The following SLC24A2 variants were observed in gnomAD, a reference collection of about 807,000 sequenced individuals.
SLC24A2 encodes the protein sodium/potassium/calcium exchanger 2.
Under a neutral mutation model 62.0 loss-of-function variants are expected in SLC24A2, and 36 were observed. The ratio of observed to expected loss-of-function variants is 0.58; its 90% CI spans 0.44 to 0.77. SLC24A2 has a LOEUF of 0.77. Ranked by LOEUF, SLC24A2 falls within the 30% of genes least tolerant of loss-of-function variation. SLC24A2 has a pLI of 0.00. For missense variants in SLC24A2, 846 were observed against 817.9 expected (o/e 1.03, Z -0.42); for synonymous variants, 358 against 294.0 (o/e 1.22, Z -2.23).
intron 2 of SLC24A2, among the ~76,000 whole-genome samples, chr9:19,638,045 G>A (rs1229453416): frequency 1.3e-5 from 2 of 152,164 alleles, no homozygotes; most frequent in Non-Finnish European, 2.9e-5. Context: ...AATATTTATA[G>A]CTCCATAAGC....
At chr9:19,805,615 T>C in the SLC24A2 span, among the ~76,000 whole-genome samples, 1 of 152,184 alleles carries the variant, frequency 6.6e-6, no homozygotes, top group African/African-American at 2.4e-5. Context: ...ATTTGTTGCC[T>C]GAGTGAATGA....
chr9:19,541,581 G>C (rs373146209), intron 8 of SLC24A2, among the ~76,000 whole-genome samples: 29 of 142,688 alleles, frequency 2.0e-4, no homozygotes, highest in African/African-American at 7.1e-4. Flanking sequence ...CTCCAGCTGC[G>C]TGCTGGGAGA....
At chr9:20,301,915 C>G in the SLC24A2 span, among the ~76,000 whole-genome samples, 1 of 152,140 alleles carries the variant, frequency 6.6e-6, no homozygotes, top group Non-Finnish European at 1.5e-5. Context: ...TCTCCCTCCT[C>G]GCTAAACCCT....
At chr9:19,628,346 TTAAG>T (rs1286752496) in intron 2 of SLC24A2, among the ~76,000 whole-genome samples, 2 of 152,166 alleles carry the variant, frequency 1.3e-5, no homozygotes, top group Non-Finnish European at 2.9e-5. Flanking sequence ...ATCTTTCTTA[TTAAG>T]TATGTACATA....
At chr9:19,781,819 G>A (rs764155005) in intron 2 of SLC24A2, among the ~76,000 whole-genome samples, 8 of 152,030 alleles carry the variant, frequency 5.3e-5, no homozygotes, top group Non-Finnish European at 8.8e-5. Flanking sequence ...TAAATTCTGT[G>A]TCTTAAGCAA....
chr9:20,017,478 T>G, the SLC24A2 span, among the ~76,000 whole-genome samples: 27 of 152,238 alleles, frequency 1.8e-4, no homozygotes, highest in East Asian at 5.2e-3. Context: ...TTAGTCAGGG[T>G]TCTCTAAAGG....
At chr9:20,236,666 C>G in the SLC24A2 span, among the ~76,000 whole-genome samples, 1 of 152,090 alleles carries the variant, frequency 6.6e-6, no homozygotes, top group East Asian at 1.9e-4. Flanking sequence ...CTCAGAAACC[C>G]CTGAATAATT....
chr9:19,566,572 G>A (rs1434010305), intron 7 of SLC24A2, among the ~76,000 whole-genome samples: 1 of 152,084 alleles, frequency 6.6e-6, no homozygotes, highest in Non-Finnish European at 1.5e-5. Context: ...CAAGGATCTA[G>A]AACTAGAAAT....
chr9:19,608,778 TCA>T (rs1339058970), intron 4 of SLC24A2, among the ~76,000 whole-genome samples: 1 of 149,558 alleles, frequency 6.7e-6, no homozygotes, highest in Admixed American at 6.7e-5. Flanking sequence ...TCTCTCTCTC[TCA>T]CACACACACA....
At chr9:19,805,296 C>T in the SLC24A2 span, among the ~76,000 whole-genome samples, 2 of 152,124 alleles carry the variant, frequency 1.3e-5, no homozygotes, top group Non-Finnish European at 2.9e-5. Flanking sequence ...TATAATTGAA[C>T]ATGACAATAC....
the SLC24A2 span, among the ~76,000 whole-genome samples, chr9:19,819,460 A>T: frequency 6.6e-6 from 1 of 152,238 alleles, no homozygotes; most frequent in South Asian, 2.1e-4. Context: ...CTGACAAAGC[A>T]CTAATACCAG....
At chr9:20,212,972 T>G in the SLC24A2 span, among the ~76,000 whole-genome samples, 2 of 151,768 alleles carry the variant, frequency 1.3e-5, no homozygotes, top group African/African-American at 4.9e-5. Flanking sequence ...GTTGAAAATG[T>G]GAACACATAG....
At chr9:20,148,523 C>A in the SLC24A2 span, among the ~76,000 whole-genome samples, 1 of 152,006 alleles carries the variant, frequency 6.6e-6, no homozygotes, top group African/African-American at 2.4e-5. Flanking sequence ...CAAGGGAAGT[C>A]TTTGGCAGCT....
At chr9:19,933,907 C>A in the SLC24A2 span, among the ~76,000 whole-genome samples, 2 of 152,062 alleles carry the variant, frequency 1.3e-5, no homozygotes, top group Non-Finnish European at 2.9e-5. Context: ...TGTGAGATTC[C>A]CCAAACAGGC....
chr9:19,952,936 T>C, the SLC24A2 span, among the ~76,000 whole-genome samples: 2 of 152,006 alleles, frequency 1.3e-5, no homozygotes, highest in Non-Finnish European at 2.9e-5. Context: ...TTTAAAGTAG[T>C]ATAAGGCTAT....
chr9:19,997,854 C>G, the SLC24A2 span, among the ~76,000 whole-genome samples: 3 of 152,126 alleles, frequency 2.0e-5, no homozygotes, highest in African/African-American at 7.2e-5. Flanking sequence ...AAAAGAGAAG[C>G]TCTTATTTCC....
the SLC24A2 span, among the ~76,000 whole-genome samples, chr9:20,003,439 T>G: frequency 6.6e-6 from 1 of 152,212 alleles, no homozygotes; most frequent in Non-Finnish European, 1.5e-5. Context: ...GCTATCAAAA[T>G]GTTCCTACAT....
rs184820608 is a variant in SLC24A2, at chr9:19,575,794, A to C, written c.1228+1130T>G. On this transcript the variant is annotated intron_variant, in intron 6 of 10. Transcript: ENST00000341998. ...TTTACTCCAAGCTACCTCATTCTAT[A>C]AAAGACAAGTCAACATGTGAAGCAG... 1.7e-3 allele frequency among the ~76,000 whole-genome samples: 256 copies of C among 152,372 alleles called. 2 individuals are homozygous for C. Among genetic ancestry groups the C allele is most frequent in the African/African-American group, 5.9e-3 (245 of 41,596 alleles).
chr9:20,078,629 C>T, the SLC24A2 span, among the ~76,000 whole-genome samples: 1 of 152,170 alleles, frequency 6.6e-6, no homozygotes, highest in Admixed American at 6.5e-5. Flanking sequence ...ACCATTCCAC[C>T]CACCTCCATC....
Sources: gnomAD v4.1 joint callset for allele counts (sites outside exome capture counted in the v4.1 genomes callset) on GRCh38, gnomAD v4.1.1 for gene constraint, MANE v1.5 for transcripts, NCBI Gene and HGNC (gene_info 2026-07-23, HGNC 2026-07-21) for gene names.